KAT6B: variants seen among roughly 807,000 people sequenced by gnomAD.
KAT6B encodes histone acetyltransferase KAT6B.
In KAT6B, 10 loss-of-function variants were observed where a neutral mutation model predicts 187.5. The ratio of observed to expected loss-of-function variants is 0.05; its 90% CI spans 0.03 to 0.09. KAT6B has a LOEUF of 0.09. Ranked by LOEUF, KAT6B falls within the 10% of genes least tolerant of loss-of-function variation. The pLI is 1.00. For missense variants in KAT6B, 1,952 were observed against 2,558.9 expected (o/e 0.76, Z 5.12); for synonymous variants, 861 against 926.8 (o/e 0.93, Z 1.29).
At chr10:74,990,144 G>A (rs928201144) in intron 13 of KAT6B, among the ~76,000 whole-genome samples, 1 of 135,930 alleles carries the variant, frequency 7.4e-6, no homozygotes, top group Admixed American at 8.3e-5. Context: ...GCAGTGAGCC[G>A]AGATGGTGCC....
chr10:74,933,237 T>C (rs933862303), intron 3 of KAT6B, among the ~76,000 whole-genome samples: 3 of 152,230 alleles, frequency 2.0e-5, no homozygotes, highest in African/African-American at 7.2e-5. Context: ...TAGTGCCTGC[T>C]ATTAGTTCCT....
intron 3 of KAT6B, among the ~76,000 whole-genome samples, chr10:74,912,410 T>TAGATAGATAGATAGAA (rs1344081593): frequency 4.6e-5 from 7 of 151,822 alleles, no homozygotes; most frequent in East Asian, 1.9e-4. Context: ...GATAGATAGA[T>TAGATAGATAGATAGAA]AGAAAGATAG....
rs1234299559 is a variant in KAT6B at position 74,907,893 on chromosome 10, ATTG to A, written c.622-52074_622-52072del. 3.3e-5 allele frequency among the ~76,000 whole-genome samples: 5 copies of A among 152,050 alleles called. No individual in the cohort carries two copies. The South Asian group carries it at 1.0e-3, about 32-fold the overall frequency. ...TCCTTTGAACCTTATAAAATTACTG[ATTG>A]TTATGTTTTGAATATTTGTCCCCTC... On this transcript the variant is annotated intron_variant, in intron 3 of 17. Coordinates refer to ENST00000287239, the MANE Select transcript of KAT6B (RefSeq NM_012330.4).
chr10:75,010,730 T>G (rs541630226), intron 13 of KAT6B, among the ~76,000 whole-genome samples: 12 of 152,278 alleles, frequency 7.9e-5, no homozygotes, highest in South Asian at 2.1e-4. Context: ...CCCTCCACCA[T>G]CGGTCTGTGG....
At chr10:74,890,115 C>T (rs1407313876) in intron 3 of KAT6B, among the ~76,000 whole-genome samples, 1 of 151,680 alleles carries the variant, frequency 6.6e-6, no homozygotes, top group Non-Finnish European at 1.5e-5. Flanking sequence ...CTTGGCTCAC[C>T]ACAACCTCTG....
chr10:74,989,214 A>C, intron 13 of KAT6B, 102 bp downstream of exon 13: 1 of 827,092 alleles, frequency 1.2e-6, no homozygotes, highest in Non-Finnish European at 2.1e-6. Context: ...TGTTGTTTTT[A>C]TCAATAGATA....
At chr10:75,001,439 T>C (rs1843827770) in intron 13 of KAT6B, among the ~76,000 whole-genome samples, 1 of 152,064 alleles carries the variant, frequency 6.6e-6, no homozygotes, top group African/African-American at 2.4e-5. Flanking sequence ...ATACTTCATT[T>C]CTACCCAGGG....
In KAT6B at chr10:74,989,080, G is replaced by A; in HGVS notation, c.2597G>A (p.Arg866Lys). 2 of 1,613,832 alleles carry A rather than the reference G, an allele frequency of 1.2e-6. No homozygotes were observed. Among genetic ancestry groups the A allele is most frequent in the East Asian group, 2.2e-5 (1 of 44,870 alleles). Residue 866 changes from arginine to lysine, a missense_variant, in exon 13 of 18, where the codon AGG becomes AAG. Coordinates refer to ENST00000287239, the MANE Select transcript of KAT6B (RefSeq NM_012330.4). ...ATAATGATCATGCCCCAGCACCAAA[G>A]GCAAGGATTTGGACGGTTTCTCATT... ...SCIMIMPQHQ[R>K]QGFGRFLIDF...
Position 75,020,606 on chromosome 10 carries a change from G to A in KAT6B, c.2654G>A (p.Gly885Asp), listed in dbSNP as rs1160494179. Residue 885 changes from glycine (G) to aspartate (D), a missense_variant, in exon 14 of 18, where the codon GGC becomes GAC. Coordinates refer to ENST00000287239, the MANE Select transcript of KAT6B (RefSeq NM_012330.4). ...GGCTATTTGCTTTCTAGAAGAGAAGGCCAAGCAGGGTCTCCTGAAAAGCCT... is the reference window on the plus strand; with the variant it reads ...GGCTATTTGCTTTCTAGAAGAGAAGACCAAGCAGGGTCTCCTGAAAAGCCT... ...DFSYLLSRRE[G>D]QAGSPEKPLS... The A allele has an allele frequency of 1.2e-6, 2 of 1,614,158 alleles. No homozygotes were observed. The highest frequency in any genetic ancestry group is 2.2e-5 in the East Asian group (1 of 44,886).
At chr10:74,975,314 C>A in intron 7 of KAT6B, 85 bp from the exon 8 acceptor site, 1 of 1,042,050 alleles carries the variant, frequency 9.6e-7, no homozygotes, top group Non-Finnish European at 1.5e-6. Context: ...CCATTGAATG[C>A]ATCTAGTTGC....
chr10:75,027,885 AATG>A (rs1245729647), intron 17 of KAT6B, among the ~76,000 whole-genome samples: 18 of 152,290 alleles, frequency 1.2e-4, no homozygotes, highest in African/African-American at 4.3e-4. Context: ...TGATCCTAAA[AATG>A]ATGATTACAA....
intron 3 of KAT6B, among the ~76,000 whole-genome samples, chr10:74,890,179 C>T (rs1433702347): frequency 6.6e-6 from 1 of 152,108 alleles, no homozygotes; most frequent in Admixed American, 6.5e-5. Context: ...GCTGGGACTA[C>T]AGGCACATGC....
chr10:74,963,157 C>T (rs1841221673), intron 4 of KAT6B, among the ~76,000 whole-genome samples: 2 of 152,212 alleles, frequency 1.3e-5, no homozygotes, highest in Admixed American at 6.5e-5. Flanking sequence ...ATGTGGGAAT[C>T]ATCAGATAGT....
rs559723816 is a variant in KAT6B, at chr10:75,008,004, A to C, written c.2630-12578A>C. Among the ~76,000 whole-genome samples, 6 of 152,360 alleles carry C rather than the reference A, an allele frequency of 3.9e-5. No homozygotes were observed. The South Asian group carries it at 1.2e-3, about 32-fold the overall frequency. ...AGGAAATGTACTGAAATTTACTTGAATCAAATCCTCTGAAGTGTTGAGTCT... is the reference window on the plus strand; with the variant it reads ...AGGAAATGTACTGAAATTTACTTGACTCAAATCCTCTGAAGTGTTGAGTCT... On this transcript the variant is annotated intron_variant, in intron 13 of 17. Coordinates refer to ENST00000287239, the MANE Select transcript of KAT6B (RefSeq NM_012330.4).
At chr10:74,887,852 A>G (rs1845393230) in intron 3 of KAT6B, among the ~76,000 whole-genome samples, 1 of 151,850 alleles carries the variant, frequency 6.6e-6, no homozygotes, top group South Asian at 2.1e-4. Flanking sequence ...AAAAAAAAAA[A>G]GGTAGTTTGG....
chr10:74,840,993 T>C (rs1348187134), intron 2 of KAT6B, among the ~76,000 whole-genome samples: 1 of 152,256 alleles, frequency 6.6e-6, no homozygotes, highest in Non-Finnish European at 1.5e-5. Flanking sequence ...TTTAATTTTG[T>C]ATTTTGTTAT....
chr10:74,922,151 T>C (rs1848186008), intron 3 of KAT6B, among the ~76,000 whole-genome samples: 1 of 152,240 alleles, frequency 6.6e-6, no homozygotes, highest in Non-Finnish European at 1.5e-5. Flanking sequence ...TGTGATTGTA[T>C]GGGTTGTCTG....
chr10:74,870,166 C>G (rs148371865), intron 3 of KAT6B, among the ~76,000 whole-genome samples: 12 of 152,012 alleles, frequency 7.9e-5, no homozygotes, highest in African/African-American at 2.7e-4. Flanking sequence ...GTAGTCCCAG[C>G]GACTTGGGGG....
At chr10:74,830,760 A>ATATG (rs1840748477) in intron 1 of KAT6B, among the ~76,000 whole-genome samples, 9 of 27,006 alleles carry the variant, frequency 3.3e-4, no homozygotes, top group East Asian at 2.1e-3. Flanking sequence ...ATATATATAT[A>ATATG]TATATATATT....
Sources: gnomAD v4.1 joint callset for allele counts (sites outside exome capture counted in the v4.1 genomes callset) on GRCh38, gnomAD v4.1.1 for gene constraint, MANE v1.5 for transcripts, NCBI Gene and HGNC (gene_info 2026-07-23, HGNC 2026-07-21) for gene names.